MCTP1: variants seen among roughly 807,000 people sequenced by gnomAD.
The protein encoded by MCTP1 is multiple C2 and transmembrane domain containing 1, also known as multiple C2 and transmembrane domain-containing protein 1.
In MCTP1, 69 loss-of-function variants were observed where a neutral mutation model predicts 120.6. That is an observed-to-expected ratio of 0.57 (90% CI 0.47 to 0.70). MCTP1 has a LOEUF of 0.70. Ranked by LOEUF, MCTP1 falls within the 30% of genes least tolerant of loss-of-function variation. The pLI is 0.00. For synonymous variants in MCTP1, 529 were observed against 493.1 expected, an observed-to-expected ratio of 1.07 and a Z score of -0.96; for missense variants, 1,203 against 1,248.8, an observed-to-expected ratio of 0.96 and a Z score of 0.55.
At chr5:94,763,531 T>C (rs1311604552) in intron 19 of MCTP1, among the ~76,000 whole-genome samples, 1 of 152,222 alleles carries the variant, frequency 6.6e-6, no homozygotes, top group Non-Finnish European at 1.5e-5. Context: ...GCTGGCTACC[T>C]TCCTGTTTTC....
chr5:95,091,008 T>C (rs1000138456), intron 1 of MCTP1, among the ~76,000 whole-genome samples: 2 of 152,174 alleles, frequency 1.3e-5, no homozygotes, highest in African/African-American at 4.8e-5. Flanking sequence ...ACAAGGGGTT[T>C]ACAGTCTATC....
At chr5:94,783,096 C>T (rs192418164) in intron 18 of MCTP1, among the ~76,000 whole-genome samples, 6 of 151,924 alleles carry the variant, frequency 3.9e-5, no homozygotes, top group South Asian at 2.1e-4. Context: ...GCCACACAGT[C>T]GAGGAAGGTC....
intron 10 of MCTP1, among the ~76,000 whole-genome samples, chr5:94,901,614 TA>T (rs369255829): frequency 0.015 from 2,227 of 145,114 alleles, 29 homozygotes; most frequent in East Asian, 0.049. Context: ...TTCTCTGCAT[TA>T]AAAAAAAAAA....
At chr5:94,836,205 A>T (rs866955785) in intron 17 of MCTP1, among the ~76,000 whole-genome samples, 1 of 137,706 alleles carries the variant, frequency 7.3e-6, no homozygotes, top group Non-Finnish European at 1.6e-5. Flanking sequence ...AAAAAAAAAA[A>T]ACCAAAGAGA....
chr5:95,202,520 C>T lies in MCTP1; in HGVS notation c.720+81336G>A, dbSNP rs373362962. On this transcript the variant is annotated intron_variant, in intron 1 of 22. Coordinates refer to ENST00000515393, the MANE Select transcript of MCTP1 (RefSeq NM_024717.7). ...TTGATCTGTCTCCTATTGGTTGTCTCTTTGGAGAACCCTGACTAGTACAAT... is the reference window on the plus strand; with the variant it reads ...TTGATCTGTCTCCTATTGGTTGTCTTTTTGGAGAACCCTGACTAGTACAAT... Among the ~76,000 whole-genome samples, 126 of 152,286 alleles carry T rather than the reference C, an allele frequency of 8.3e-4. No individual in the cohort carries two copies. In the East Asian group the frequency reaches 0.014, roughly 17 times the overall value.
At chr5:94,944,862 G>A (rs1281797513) in intron 3 of MCTP1, among the ~76,000 whole-genome samples, 1 of 152,148 alleles carries the variant, frequency 6.6e-6, no homozygotes, top group Non-Finnish European at 1.5e-5. Context: ...GAAATACAGA[G>A]CATAGGAGAG....
chr5:94,718,683 G>T (rs1046505490), intron 19 of MCTP1, among the ~76,000 whole-genome samples: 1 of 152,026 alleles, frequency 6.6e-6, no homozygotes, highest in African/African-American at 2.4e-5. Flanking sequence ...TAAAAAGTAG[G>T]CAAAAGACAT....
chr5:94,854,713 T>A (rs921658167), intron 17 of MCTP1, among the ~76,000 whole-genome samples: 1 of 151,934 alleles, frequency 6.6e-6, no homozygotes, highest in Non-Finnish European at 1.5e-5. Context: ...AGGGTAAGTA[T>A]GCTTTTTCTA....
At chr5:95,089,677 G>C (rs982177526) in intron 1 of MCTP1, among the ~76,000 whole-genome samples, 12 of 152,032 alleles carry the variant, frequency 7.9e-5, no homozygotes, top group Non-Finnish European at 1.5e-4. Flanking sequence ...GAATCCAGAG[G>C]GTCTCTCTTT....
intron 1 of MCTP1, among the ~76,000 whole-genome samples, chr5:95,063,771 A>AT (rs1321563070): frequency 2.0e-5 from 3 of 151,896 alleles, no homozygotes; most frequent in Admixed American, 1.3e-4. Context: ...TAATTTTTGT[A>AT]TTTTTTTGTA....
chr5:95,257,030 T>A (rs1757962707), intron 1 of MCTP1, among the ~76,000 whole-genome samples: 1 of 152,244 alleles, frequency 6.6e-6, no homozygotes, highest in South Asian at 2.1e-4. Context: ...ATAAATCTTG[T>A]GCAGGTGTTG....
intron 5 of MCTP1, among the ~76,000 whole-genome samples, chr5:94,938,687 T>A (rs1031718031): frequency 2.6e-5 from 4 of 152,044 alleles, no homozygotes; most frequent in Non-Finnish European, 4.4e-5. Flanking sequence ...GTATCCTAAG[T>A]GTCTGGCACA....
intron 1 of MCTP1, among the ~76,000 whole-genome samples, chr5:95,084,315 T>C (rs1755265257): frequency 6.6e-6 from 1 of 152,194 alleles, no homozygotes; most frequent in African/African-American, 2.4e-5. Context: ...TCTCCTTTAT[T>C]ATTTTTTAAA....
intron 1 of MCTP1, among the ~76,000 whole-genome samples, chr5:95,179,127 C>G (rs182249144): frequency 1.3e-5 from 2 of 152,192 alleles, no homozygotes; most frequent in East Asian, 3.9e-4. Flanking sequence ...CTGACAAAGA[C>G]AAAGACAAAA....
chr5:94,839,983 T>C (rs1790644777), intron 17 of MCTP1, among the ~76,000 whole-genome samples: 1 of 152,206 alleles, frequency 6.6e-6, no homozygotes, highest in African/African-American at 2.4e-5. Flanking sequence ...AGTATTTAAT[T>C]ATGTCCTCTG....
intron 18 of MCTP1, among the ~76,000 whole-genome samples, chr5:94,786,692 G>A (rs981232857): frequency 1.1e-4 from 16 of 152,056 alleles, no homozygotes; most frequent in African/African-American, 3.6e-4. Context: ...CTAAATTAGT[G>A]TATAATGCAT....
intron 9 of MCTP1, among the ~76,000 whole-genome samples, chr5:94,910,488 G>A (rs1303598046): frequency 2.0e-5 from 3 of 151,974 alleles, no homozygotes; most frequent in Admixed American, 6.6e-5. Flanking sequence ...TCTTTTTAAT[G>A]TATGGCAGAC....
intron 1 of MCTP1, among the ~76,000 whole-genome samples, chr5:95,216,132 TG>T (rs957798280): frequency 6.6e-6 from 1 of 152,250 alleles, no homozygotes; most frequent in Non-Finnish European, 1.5e-5. Flanking sequence ...CCATTCTTCA[TG>T]GTACTCTAAG....
intron 2 of MCTP1, among the ~76,000 whole-genome samples, chr5:94,977,669 T>G (rs1828428622): frequency 6.6e-6 from 1 of 152,078 alleles, no homozygotes; most frequent in Non-Finnish European, 1.5e-5. Context: ...GCCTGTATGG[T>G]AAACTGACCT....
Sources: gnomAD v4.1 joint callset for allele counts (sites outside exome capture counted in the v4.1 genomes callset) on GRCh38, gnomAD v4.1.1 for gene constraint, MANE v1.5 for transcripts, NCBI Gene and HGNC (gene_info 2026-07-23, HGNC 2026-07-21) for gene names.